The following CBLB variants were observed in gnomAD, a reference collection of about 807,000 sequenced individuals.
CBLB encodes Cbl proto-oncogene B, also known as E3 ubiquitin-protein ligase CBL-B.
In CBLB, 31 loss-of-function variants were observed where a neutral mutation model predicts 104.9. The ratio of observed to expected loss-of-function variants is 0.30; its 90% CI spans 0.22 to 0.40. The LOEUF is 0.40. Ranked by LOEUF, CBLB falls within the 10% of genes least tolerant of loss-of-function variation. The pLI is 1.00. For missense variants in CBLB, 1,062 were observed against 1,214.6 expected (o/e 0.87, Z 1.87); for synonymous variants, 440 against 422.6 (o/e 1.04, Z -0.51).
chr3:105,849,214 C>A (rs1196696691), intron 3 of CBLB, among the ~76,000 whole-genome samples: 1 of 152,072 alleles, frequency 6.6e-6, no homozygotes, highest in African/African-American at 2.4e-5. Flanking sequence ...AGTTTATGTG[C>A]CTGTTATGGT....
chr3:105,834,618 T>G (rs1301091065), intron 3 of CBLB, among the ~76,000 whole-genome samples: 1 of 151,984 alleles, frequency 6.6e-6, no homozygotes, highest in Non-Finnish European at 1.5e-5. Context: ...ATTGCGCCAC[T>G]GCACTCCAGC....
chr3:105,806,229 T>C (rs2083474668), intron 3 of CBLB, among the ~76,000 whole-genome samples: 1 of 152,168 alleles, frequency 6.6e-6, no homozygotes, highest in African/African-American at 2.4e-5. Context: ...TTTTTAATTC[T>C]CACTTTAAGA....
At chr3:105,669,250 G>A (rs1240584691) in intron 18 of CBLB, among the ~76,000 whole-genome samples, 1 of 152,172 alleles carries the variant, frequency 6.6e-6, no homozygotes, top group African/African-American at 2.4e-5. Context: ...ATTTGGAGGG[G>A]AGGCTTTTGG....
chr3:105,752,231 ATATT>A (rs1179817941), intron 4 of CBLB, among the ~76,000 whole-genome samples: 1 of 152,242 alleles, frequency 6.6e-6, no homozygotes, highest in Non-Finnish European at 1.5e-5. Context: ...AGTTTATTCA[ATATT>A]TATTACTTTA....
chr3:105,722,198 C>CAAAAAAAAAAAAAAAA (rs5851468), intron 9 of CBLB, among the ~76,000 whole-genome samples: 2 of 84,386 alleles, frequency 2.4e-5, no homozygotes, highest in African/African-American at 4.7e-5. Context: ...GACCCCGTGC[C>CAAAAAAAAAAAAAAAA]AAAAAAAAAA....
At chr3:105,665,790 G>C (rs2064378138) in intron 18 of CBLB, among the ~76,000 whole-genome samples, 4 of 151,200 alleles carry the variant, frequency 2.6e-5, no homozygotes, top group Admixed American at 2.6e-4. Context: ...CAGCACTTTG[G>C]GAGGCCGAGG....
chr3:105,667,904 G>A (rs2064650364), intron 18 of CBLB, among the ~76,000 whole-genome samples: 1 of 152,098 alleles, frequency 6.6e-6, no homozygotes, highest in African/African-American at 2.4e-5. Flanking sequence ...TGCAAAATAA[G>A]AGCTATTAGA....
intron 4 of CBLB, among the ~76,000 whole-genome samples, chr3:105,771,223 GGA>G (rs2078840225): frequency 6.6e-6 from 1 of 151,908 alleles, no homozygotes; most frequent in Non-Finnish European, 1.5e-5. Context: ...AGAGATACAA[GGA>G]CAGTTTAACA....
chr3:105,695,320 A>G (rs1017395486), intron 12 of CBLB, among the ~76,000 whole-genome samples: 3 of 151,900 alleles, frequency 2.0e-5, no homozygotes, highest in African/African-American at 7.2e-5. Flanking sequence ...CTATGATTTT[A>G]TAATCAGAAC....
chr3:105,673,048 T>C (rs1471209833), intron 17 of CBLB: 1 of 150,382 alleles, frequency 6.6e-6, no homozygotes, highest in Non-Finnish European at 1.5e-5. Context: ...CTATCAATGA[T>C]TAGGAGGAGG....
At chr3:105,806,681 A>T (rs2083550619) in intron 3 of CBLB, among the ~76,000 whole-genome samples, 1 of 152,098 alleles carries the variant, frequency 6.6e-6, no homozygotes, top group African/African-American at 2.4e-5. Flanking sequence ...ATTTTTTTTC[A>T]TTGAAATACT....
At chr3:105,724,365 A>G (rs2073306298) in intron 9 of CBLB, among the ~76,000 whole-genome samples, 1 of 152,154 alleles carries the variant, frequency 6.6e-6, no homozygotes, top group South Asian at 2.1e-4. Flanking sequence ...CCTGCATAGT[A>G]AATCAGAAAA....
At position 105,800,505 on chromosome 3, in the gene CBLB, G is replaced by C. The variant is rs530326075; in HGVS notation, c.420-23963C>G. ...AGCACTGGTATTGCTTTAAGAGCTC[G>C]CCAGATGATTTCTGATGCATCACCA... is the stretch of plus-strand genomic sequence containing the variant. On this transcript the variant is annotated intron_variant, in intron 3 of 18. Transcript: ENST00000394030. Among the ~76,000 whole-genome samples, 279 of 152,224 alleles carry C rather than the reference G, an allele frequency of 1.8e-3. 1 individual carries two copies. Among genetic ancestry groups the C allele is most frequent in the African/African-American group, 6.4e-3 (265 of 41,536 alleles).
intron 17 of CBLB, among the ~76,000 whole-genome samples, chr3:105,674,659 T>C (rs905290586): frequency 6.6e-6 from 1 of 152,178 alleles, no homozygotes; most frequent in Non-Finnish European, 1.5e-5. Flanking sequence ...TACTTCAATC[T>C]ACCAGCAAAA....
intron 9 of CBLB, among the ~76,000 whole-genome samples, chr3:105,731,436 T>C (rs980596844): frequency 2.0e-5 from 3 of 152,188 alleles, no homozygotes; most frequent in Non-Finnish European, 2.9e-5. Flanking sequence ...TTGCTCAAAG[T>C]TGCAGTTTCC....
chr3:105,749,667 C>T (rs1013291025), intron 5 of CBLB: 1 of 202,574 alleles, frequency 4.9e-6, no homozygotes, highest in Non-Finnish European at 1.1e-5. Flanking sequence ...ATTACTTTTA[C>T]TCTCTTCCTT....
intron 18 of CBLB, among the ~76,000 whole-genome samples, chr3:105,660,316 T>A (rs573293153): frequency 6.6e-6 from 1 of 151,978 alleles, no homozygotes; most frequent in East Asian, 1.9e-4. Context: ...GCTTCCCAAG[T>A]AGCTGGGATT....
In CBLB at chr3:105,869,001, C is replaced by A. The variant is rs7649466; in HGVS notation, c.-280G>T. On this transcript the variant is annotated 5_prime_UTR_variant, in exon 1 of 19. Coordinates refer to ENST00000394030, the MANE Select transcript of CBLB (RefSeq NM_170662.5). ...AGCAGCACTAGCAGGAGGAGGAGAC[C>A]GCTCGCTGGACACCCCACCCCTGTG... 2.5e-5 allele frequency: 26 copies of A among 1,054,834 alleles called. No individual in the cohort carries two copies. In the East Asian group the frequency reaches 2.5e-3, roughly 102 times the overall value. 65.3% of individuals were successfully genotyped at this position (1,054,834 alleles called of 1,614,324 possible).
At chr3:105,719,266 C>A (rs2072404204) in intron 10 of CBLB, among the ~76,000 whole-genome samples, 1 of 152,202 alleles carries the variant, frequency 6.6e-6, no homozygotes, top group East Asian at 1.9e-4. Flanking sequence ...TTTTTCTTCA[C>A]AGATTTGCTA....
Sources: allele counts gnomAD v4.1 joint callset (sites outside exome capture counted in the v4.1 genomes callset), GRCh38; gene constraint gnomAD v4.1.1; transcripts MANE v1.5; gene names NCBI Gene and HGNC (gene_info 2026-07-23, HGNC 2026-07-21).